Variants in CSMD1 observed in about 807,000 individuals in gnomAD.
CSMD1 encodes CUB and sushi domain-containing protein 1.
CSMD1 carries 213 observed loss-of-function variants against 417.5 expected under a neutral mutation model. The observed-to-expected ratio is 0.51, with a 90% CI of 0.46 to 0.57. The LOEUF is 0.57. Ranked by LOEUF, CSMD1 falls within the 20% of genes least tolerant of loss-of-function variation. The probability of loss-of-function intolerance (pLI) is 0.00; values close to 1 mark genes in which losing one functional copy is unlikely to be tolerated. For synonymous variants in CSMD1, 2,862 were observed against 1,736.8 expected (o/e 1.65, Z -16.11); for missense variants, 6,923 against 4,529.7 (o/e 1.53, Z -15.17).
chr8:4,036,559 C>T (rs559846131), intron 3 of CSMD1, among the ~76,000 whole-genome samples: 342 of 152,268 alleles, frequency 2.2e-3, no homozygotes, highest in Non-Finnish European at 4.4e-3. Flanking sequence ...TTATTCTGTT[C>T]AATTTCATCA....
At chr8:3,946,747 C>T (rs772734564) in intron 5 of CSMD1, among the ~76,000 whole-genome samples, 12 of 152,064 alleles carry the variant, frequency 7.9e-5, no homozygotes, top group African/African-American at 2.9e-4. Flanking sequence ...TTTCTCTCAG[C>T]TATGTTTTAC....
chr8:3,042,544 G>A (rs1481639417), intron 50 of CSMD1, among the ~76,000 whole-genome samples: 2 of 152,138 alleles, frequency 1.3e-5, no homozygotes, highest in Non-Finnish European at 2.9e-5. Flanking sequence ...ACAGCTGAAA[G>A]CGGGACGGGC....
chr8:4,005,238 A>C (rs1816017547), intron 4 of CSMD1, among the ~76,000 whole-genome samples: 1 of 150,806 alleles, frequency 6.6e-6, no homozygotes, highest in Non-Finnish European at 1.5e-5. Context: ...CCACTGAAGA[A>C]CTTACTTATG....
intron 5 of CSMD1, among the ~76,000 whole-genome samples, chr8:3,780,889 G>C (rs971715508): frequency 2.6e-5 from 4 of 152,152 alleles, no homozygotes; most frequent in African/African-American, 9.7e-5. Context: ...GTGTGGAAGG[G>C]GTTTAGGTAA....
At chr8:3,320,651 T>C (rs1049148677) in intron 23 of CSMD1, among the ~76,000 whole-genome samples, 2 of 152,160 alleles carry the variant, frequency 1.3e-5, no homozygotes, top group Admixed American at 6.5e-5. Flanking sequence ...CACCGCTGCA[T>C]TGGGACGCAA....
intron 7 of CSMD1, among the ~76,000 whole-genome samples, chr8:3,651,083 T>C (rs972874916): frequency 2.0e-5 from 3 of 152,312 alleles, no homozygotes; most frequent in African/African-American, 7.2e-5. Context: ...TCAAGATTCG[T>C]GCATACAATG....
chr8:3,759,213 T>C (rs951724533), intron 5 of CSMD1, among the ~76,000 whole-genome samples: 2 of 152,196 alleles, frequency 1.3e-5, no homozygotes, highest in Non-Finnish European at 2.9e-5. Context: ...TAAATATGTA[T>C]AGCTTTTATA....
rs552902793 is a variant in CSMD1, at chr8:4,635,097, T to C, written c.302+2245A>G. 1.3e-3 allele frequency among the ~76,000 whole-genome samples: 202 copies of C among 152,276 alleles called. 1 individual carries two copies. Among genetic ancestry groups the C allele is most frequent in the Admixed American group, 2.4e-3 (37 of 15,284 alleles). On this transcript the variant is annotated intron_variant, in intron 2 of 69. Transcript: ENST00000635120. The stretch of plus-strand genomic sequence containing the variant: ...TAGAAATATGACATATTTTTCTCTA[T>C]TTCAAACAAAAAATTGTCGGTAACT...
chr8:4,075,136 G>T (rs1213013071), intron 3 of CSMD1, among the ~76,000 whole-genome samples: 1 of 152,068 alleles, frequency 6.6e-6, no homozygotes, highest in Non-Finnish European at 1.5e-5. Flanking sequence ...AAAATGATAC[G>T]AAAAACTAAG....
At chr8:3,952,422 T>C (rs1332973699) in intron 5 of CSMD1, among the ~76,000 whole-genome samples, 4 of 152,220 alleles carry the variant, frequency 2.6e-5, no homozygotes, top group African/African-American at 9.6e-5. Flanking sequence ...TGTTGATATG[T>C]AAAGGGTAAT....
intron 1 of CSMD1, among the ~76,000 whole-genome samples, chr8:4,801,916 G>T (rs760213059): frequency 6.6e-6 from 1 of 152,130 alleles, no homozygotes; most frequent in Non-Finnish European, 1.5e-5. Flanking sequence ...GGCAGCATTC[G>T]TACTGTGATT....
intron 17 of CSMD1, among the ~76,000 whole-genome samples, chr8:3,388,443 G>A (rs532855861): frequency 3.2e-4 from 49 of 152,222 alleles, no homozygotes; most frequent in African/African-American, 1.1e-3. Context: ...TTACATATGC[G>A]AAGAAATAAA....
At chr8:4,316,790 CT>C (rs1379534327) in intron 3 of CSMD1, among the ~76,000 whole-genome samples, 3 of 152,072 alleles carry the variant, frequency 2.0e-5, no homozygotes, top group Non-Finnish European at 4.4e-5. Flanking sequence ...AGAAGTAAAT[CT>C]ATATTGTGCT....
At chr8:4,629,949 C>T (rs1308867863) in intron 2 of CSMD1, among the ~76,000 whole-genome samples, 1 of 152,096 alleles carries the variant, frequency 6.6e-6, no homozygotes, top group Non-Finnish European at 1.5e-5. Context: ...TCTCTCTAGC[C>T]AACCGCAATA....
intron 3 of CSMD1, among the ~76,000 whole-genome samples, chr8:4,163,239 GATAA>G (rs1263968454): frequency 6.6e-6 from 1 of 152,088 alleles, no homozygotes; most frequent in African/African-American, 2.4e-5. Context: ...AGCTCCTTCA[GATAA>G]ATAACAAGGA....
At chr8:3,916,088 T>C (rs1023922740) in intron 5 of CSMD1, among the ~76,000 whole-genome samples, 7 of 151,876 alleles carry the variant, frequency 4.6e-5, no homozygotes, top group African/African-American at 1.7e-4. Context: ...TGGAAGTCTT[T>C]GACTCAATGA....
chr8:4,789,898 T>C (rs1797600815), intron 1 of CSMD1, among the ~76,000 whole-genome samples: 1 of 152,190 alleles, frequency 6.6e-6, no homozygotes, highest in Non-Finnish European at 1.5e-5. Context: ...AGTAATAGAA[T>C]TTAGTAGTAG....
In CSMD1 at chr8:4,844,196, T is replaced by G. The variant is rs373776129; in HGVS notation, c.85+150136A>C. ...CTACACGTAGCACTGGAAAAAAAAG[T>G]GTTAGTTGTAGGCACCTGGTAATTT... On this transcript the variant is annotated intron_variant, in intron 1 of 69. Transcript: ENST00000635120. Among the ~76,000 whole-genome samples, 4 of 152,218 alleles carry G rather than the reference T, an allele frequency of 2.6e-5. No individual in the cohort carries two copies. In the East Asian group the frequency reaches 7.7e-4, roughly 29 times the overall value.
At chr8:4,434,535 G>C (rs982080024) in intron 2 of CSMD1, among the ~76,000 whole-genome samples, 1 of 152,156 alleles carries the variant, frequency 6.6e-6, no homozygotes, top group Admixed American at 6.5e-5. Flanking sequence ...AAGCACTTAA[G>C]AGCAGCCCAA....
Sources: allele counts gnomAD v4.1 joint callset (sites outside exome capture counted in the v4.1 genomes callset), GRCh38; gene constraint gnomAD v4.1.1; transcripts MANE v1.5; gene names NCBI Gene and HGNC (gene_info 2026-07-23, HGNC 2026-07-21).